Variants in SUSD4 observed in about 807,000 individuals in gnomAD.
The protein encoded by SUSD4 is sushi domain-containing protein 4.
SUSD4 carries 41 observed loss-of-function variants against 50.5 expected under a neutral mutation model. That is an observed-to-expected ratio of 0.81 (90% CI 0.63 to 1.05). SUSD4 has a LOEUF of 1.05. Ranked by LOEUF, SUSD4 falls within the 50% of genes least tolerant of loss-of-function variation. SUSD4 has a pLI of 0.00. For missense variants in SUSD4, 580 were observed against 634.7 expected (o/e 0.91, Z 0.93); for synonymous variants, 257 against 257.3 (o/e 1.00, Z 0.01).
chr1:223,236,417 C>T (rs940276479), intron 5 of SUSD4, among the ~76,000 whole-genome samples: 12 of 152,072 alleles, frequency 7.9e-5, no homozygotes, highest in African/African-American at 2.2e-4. Flanking sequence ...AAAAAGACAT[C>T]GCCATACACA....
chr1:223,224,973 G>A (rs1320097904), intron 7 of SUSD4, among the ~76,000 whole-genome samples: 3 of 143,704 alleles, frequency 2.1e-5, no homozygotes, highest in Non-Finnish European at 3.0e-5. Flanking sequence ...AGGCTCATGC[G>A]ATTCTCCTGC....
intron 2 of SUSD4, among the ~76,000 whole-genome samples, chr1:223,351,972 C>T (rs557428365): frequency 6.6e-6 from 1 of 151,554 alleles, no homozygotes; most frequent in South Asian, 2.1e-4. Context: ...TAGGAAAACG[C>T]CAAGTATTAG....
chr1:223,337,272 T>C (rs1667507184), intron 2 of SUSD4, among the ~76,000 whole-genome samples: 1 of 152,210 alleles, frequency 6.6e-6, no homozygotes, highest in African/African-American at 2.4e-5. Flanking sequence ...TGTTAAGGAA[T>C]GAATGATGTC....
intron 2 of SUSD4, among the ~76,000 whole-genome samples, chr1:223,305,161 G>A (rs1277100713): frequency 6.6e-6 from 1 of 152,074 alleles, no homozygotes; most frequent in Non-Finnish European, 1.5e-5. Flanking sequence ...AGCCAGGCTT[G>A]CAGGGGAAAT....
intron 2 of SUSD4, among the ~76,000 whole-genome samples, chr1:223,335,943 T>C (rs1045885939): frequency 6.6e-6 from 1 of 151,884 alleles, no homozygotes; most frequent in Non-Finnish European, 1.5e-5. Context: ...CATTATACTG[T>C]AGAAAGAAAA....
At chr1:223,325,922 T>C (rs1459072237) in intron 2 of SUSD4, among the ~76,000 whole-genome samples, 1 of 152,162 alleles carries the variant, frequency 6.6e-6, no homozygotes, top group Non-Finnish European at 1.5e-5. Flanking sequence ...GAGGAATCAA[T>C]ACTGTGAAAA....
intron 2 of SUSD4, among the ~76,000 whole-genome samples, chr1:223,320,489 C>T (rs1010308725): frequency 2.0e-5 from 3 of 152,070 alleles, no homozygotes; most frequent in African/African-American, 7.2e-5. Context: ...CTCCGCTTCT[C>T]GGGGTGTTGC....
chr1:223,311,777 C>T (rs61838203), intron 2 of SUSD4, among the ~76,000 whole-genome samples: 9,741 of 152,218 alleles, frequency 0.064, 369 homozygotes, highest in East Asian at 0.12. Flanking sequence ...GAAATGCAGA[C>T]TGTACTATCA....
intron 2 of SUSD4, among the ~76,000 whole-genome samples, chr1:223,322,903 G>C (rs1666662180): frequency 6.6e-6 from 1 of 152,274 alleles, no homozygotes; most frequent in East Asian, 1.9e-4. Context: ...GCTCCCTGCA[G>C]CCTTTACACA....
At position 223,223,282 on chromosome 1, in the gene SUSD4, C is replaced by A; in HGVS notation, c.1411G>T (p.Ala471Ser). ...ATGTCGATGCCTGGGCTGGTGGATG[C>A]CACCTCCTCTGCCGTGCTGGCAATT... ...DIIASTAEEV[A>S]STSPGIDIAD... Residue 471 changes from alanine (A) to serine (S), a missense_variant, in exon 8 of 9, where the codon GCA (alanine) becomes TCA (serine). By Grantham distance (99) the Ala-to-Ser change is moderately conservative (BLOSUM62 1). Transcript: ENST00000366878. 1 of 1,561,392 alleles carries A rather than the reference C, an allele frequency of 6.4e-7. No individual in the cohort carries two copies. Among genetic ancestry groups the A allele is most frequent in the Admixed American group, 1.8e-5 (1 of 54,990 alleles).
At chr1:223,239,057 T>C (rs1006611882) in intron 5 of SUSD4, among the ~76,000 whole-genome samples, 10 of 152,052 alleles carry the variant, frequency 6.6e-5, no homozygotes, top group Non-Finnish European at 1.0e-4. Context: ...TCTTGGGGAA[T>C]TGACCCCTTT....
At chr1:223,310,292 C>T (rs1168321399) in intron 2 of SUSD4, among the ~76,000 whole-genome samples, 1 of 152,134 alleles carries the variant, frequency 6.6e-6, no homozygotes, top group Non-Finnish European at 1.5e-5. Flanking sequence ...ATGTGGACTC[C>T]CTGCTATCCC....
chr1:223,221,056 A>G lies in SUSD4; in HGVS notation c.*1136T>C. ...TTTAATCAATCAGTTTCTTAGGAAC[A>G]ACACCCAGTGGGCATGATGAGACCC... On this transcript the variant is annotated 3_prime_UTR_variant, in exon 9 of 9. Transcript: ENST00000366878. The G allele has an allele frequency of 2.5e-6, 1 of 400,868 alleles. No individual in the cohort carries two copies. The highest frequency in any genetic ancestry group is 3.6e-5 in the East Asian group (1 of 28,088). 24.8% of individuals were successfully genotyped at this position (400,868 alleles called of 1,614,324 possible).
chr1:223,227,577 C>T lies in SUSD4; in HGVS notation c.1061+17G>A. 6.2e-7 allele frequency: 1 copy of T among 1,610,726 alleles called. No individual in the cohort carries two copies. ...GAGTCAGACCTTGAGCCACAGCTGC[C>T]AAGACATGACACTGACCTGGGGGGA... On this transcript the variant is annotated intron_variant, in intron 7 of 8. Transcript: ENST00000366878. The surrounding 1 kb of genome is among the most constrained non-coding windows in gnomAD (Gnocchi z 4.5).
intron 4 of SUSD4, among the ~76,000 whole-genome samples, chr1:223,268,012 T>TA (rs58336088): frequency 0.59 from 44,300 of 75,518 alleles, 14,249 homozygotes; most frequent in African/African-American, 0.79. Context: ...TCATGCATTT[T>TA]TTATATATAT....
chr1:223,286,549 G>A (rs1664154317), intron 3 of SUSD4, among the ~76,000 whole-genome samples: 1 of 152,216 alleles, frequency 6.6e-6, no homozygotes, highest in Non-Finnish European at 1.5e-5. Context: ...ACCGCAGCTG[G>A]CCTGAGAAAT....
intron 2 of SUSD4, among the ~76,000 whole-genome samples, chr1:223,296,283 G>C (rs901172566): frequency 6.6e-6 from 1 of 152,136 alleles, no homozygotes; most frequent in African/African-American, 2.4e-5. Flanking sequence ...AGAGAGGAGA[G>C]AGGCGTCCAG....
rs978618510 is a variant in SUSD4, at chr1:223,316,045, G to C, written c.149-23394C>G. Among the ~76,000 whole-genome samples the C allele has an allele frequency of 4.6e-5, 7 of 152,312 alleles. No homozygotes were observed. In the East Asian group the frequency reaches 1.4e-3, roughly 29 times the overall value. On this transcript the variant is annotated intron_variant, in intron 2 of 8. Coordinates refer to ENST00000366878, the MANE Select transcript of SUSD4 (RefSeq NM_017982.4). ...GTGTTGAGAAGCTCTGCCACCCATG[G>C]AAAGTGGCTCAGATGTGAGACCTGC... is the stretch of plus-strand genomic sequence containing the variant.
chr1:223,335,254 G>A (rs1197061234), intron 2 of SUSD4, among the ~76,000 whole-genome samples: 1 of 152,114 alleles, frequency 6.6e-6, no homozygotes. Context: ...GGGATTGCTG[G>A]ATCAAACAGT....
Sources: gnomAD v4.1 joint callset for allele counts (sites outside exome capture counted in the v4.1 genomes callset) on GRCh38, gnomAD v4.1.1 for gene constraint, Gnocchi (gnomAD v3.1) non-coding constraint, MANE v1.5 for transcripts, NCBI Gene and HGNC (gene_info 2026-07-23, HGNC 2026-07-21) for gene names.